Variants in DRD2 observed in about 807,000 individuals in gnomAD.
DRD2 encodes the protein D(2) dopamine receptor.
Under a neutral mutation model 38.0 loss-of-function variants are expected in DRD2, and 8 were observed. The ratio of observed to expected loss-of-function variants is 0.21; its 90% CI spans 0.12 to 0.38. The LOEUF (loss-of-function observed/expected upper bound fraction) is 0.38, where lower values mean the gene tolerates loss of function less well. Ranked by LOEUF, DRD2 falls within the 10% of genes least tolerant of loss-of-function variation. The probability of loss-of-function intolerance (pLI) is 1.00; values close to 1 mark genes in which losing one functional copy is unlikely to be tolerated. For missense variants in DRD2, 403 were observed against 607.7 expected (o/e 0.66, Z 3.54); for synonymous variants, 230 against 238.6 (o/e 0.96, Z 0.33).
chr11:113,464,754 T>C (rs1448765299), intron 1 of DRD2, among the ~76,000 whole-genome samples: 1 of 152,264 alleles, frequency 6.6e-6, no homozygotes. Context: ...TTCTCTGATT[T>C]CATCAACACC....
chr11:113,410,997 C>T, intron 7 of DRD2, 77 bp from the exon 8 acceptor site: 1 of 1,503,844 alleles, frequency 6.6e-7, no homozygotes, highest in Non-Finnish European at 9.1e-7. Flanking sequence ...CCAGTGCGCC[C>T]TGGCTCGTAT....
chr11:113,419,861 G>A (rs1395188247), intron 2 of DRD2, among the ~76,000 whole-genome samples: 2 of 152,226 alleles, frequency 1.3e-5, no homozygotes, highest in Non-Finnish European at 1.5e-5. Context: ...GGCAGAAACA[G>A]CAGCTTGCCC....
intron 1 of DRD2, among the ~76,000 whole-genome samples, chr11:113,466,171 G>A (rs1469830890): frequency 6.6e-6 from 1 of 152,184 alleles, no homozygotes; most frequent in East Asian, 1.9e-4. Context: ...TAAATAACTA[G>A]AGGGACAGGG....
At chr11:113,428,857 C>T (rs909159906) in intron 1 of DRD2, among the ~76,000 whole-genome samples, 7 of 152,124 alleles carry the variant, frequency 4.6e-5, no homozygotes, top group African/African-American at 1.2e-4. Context: ...ACACTCCTGG[C>T]CTCAAGAGAT....
At chr11:113,440,946 C>T (rs929030535) in intron 1 of DRD2, among the ~76,000 whole-genome samples, 2 of 152,188 alleles carry the variant, frequency 1.3e-5, no homozygotes, top group South Asian at 2.1e-4. Flanking sequence ...ACTTCCTGTG[C>T]GCCCACCCAA....
At chr11:113,417,198 C>T (rs765459611) in intron 3 of DRD2, among the ~76,000 whole-genome samples, 199 bp from the exon 4 acceptor site, 1 of 152,192 alleles carries the variant, frequency 6.6e-6, no homozygotes, top group African/African-American at 2.4e-5. Flanking sequence ...AGCCCAAACA[C>T]TTAATCACTG....
chr11:113,450,151 A>AAAG (rs1258522371), intron 1 of DRD2: 1 of 154,044 alleles, frequency 6.5e-6, no homozygotes, highest in East Asian at 1.9e-4. Context: ...CAATATTTCA[A>AAAG]AAGAAGACAG....
intron 7 of DRD2, among the ~76,000 whole-genome samples, chr11:113,411,272 A>T (rs1455961584): frequency 6.6e-6 from 1 of 152,228 alleles, no homozygotes. Context: ...CTATAGACCC[A>T]TGCCACTTAG....
chr11:113,426,751 G>T (rs1411169128), intron 1 of DRD2, among the ~76,000 whole-genome samples: 1 of 152,080 alleles, frequency 6.6e-6, no homozygotes, highest in Non-Finnish European at 1.5e-5. Flanking sequence ...TTCCATGTGG[G>T]GTGACATGGA....
At chr11:113,464,906 C>T (rs1254853346) in intron 1 of DRD2, among the ~76,000 whole-genome samples, 1 of 152,098 alleles carries the variant, frequency 6.6e-6, no homozygotes, top group Non-Finnish European at 1.5e-5. Context: ...TTCTCTCTTC[C>T]CCTCATCCTC....
chr11:113,418,759 C>A (rs1439510803), intron 2 of DRD2, among the ~76,000 whole-genome samples: 4 of 152,140 alleles, frequency 2.6e-5, no homozygotes, highest in African/African-American at 7.2e-5. Flanking sequence ...CCAAAGCCTG[C>A]CAGGATGTTG....
chr11:113,453,292 G>A (rs1248666980), intron 1 of DRD2, among the ~76,000 whole-genome samples: 1 of 152,148 alleles, frequency 6.6e-6, no homozygotes, highest in Non-Finnish European at 1.5e-5. Context: ...GGAAGTGGGG[G>A]TGATGATAAC....
intron 1 of DRD2, among the ~76,000 whole-genome samples, chr11:113,442,122 G>A (rs889548412): frequency 2.0e-5 from 3 of 152,176 alleles, no homozygotes; most frequent in Non-Finnish European, 4.4e-5. Flanking sequence ...ATAGATGAAA[G>A]AAAATTGGCC....
At chr11:113,436,886 C>T (rs1951044177) in intron 1 of DRD2, among the ~76,000 whole-genome samples, 1 of 152,162 alleles carries the variant, frequency 6.6e-6, no homozygotes, top group Admixed American at 6.5e-5. Context: ...TCCTTTTCTG[C>T]CAGTCTGGCT....
rs1950972914 is a variant in DRD2, at chr11:113,430,093, G to C, written c.-31-5411C>G. ...CCTCCTGGGCCCACTGCCTCCTATG[G>C]CCCATCCTGAAAAATAGGTGGCTAG... On this transcript the variant is annotated intron_variant, in intron 1 of 7. Transcript: ENST00000362072. Among the ~76,000 whole-genome samples the C allele has an allele frequency of 2.6e-5, 4 of 152,302 alleles. No individual in the cohort carries two copies. The South Asian group carries it at 8.3e-4, about 32-fold the overall frequency.
chr11:113,411,972 G>A (rs1171139731), intron 7 of DRD2: 1 of 154,146 alleles, frequency 6.5e-6, no homozygotes, highest in Non-Finnish European at 1.4e-5. Flanking sequence ...GGACAGGGAT[G>A]CTTTTCATTT....
At chr11:113,419,953 T>C (rs574470579) in intron 2 of DRD2, among the ~76,000 whole-genome samples, 181 of 152,314 alleles carry the variant, frequency 1.2e-3, no homozygotes, top group African/African-American at 3.8e-3. Flanking sequence ...CTCTCCCAGC[T>C]CCCTGTGCTG....
At chr11:113,455,223 C>A (rs1057343811) in intron 1 of DRD2, among the ~76,000 whole-genome samples, 1 of 151,902 alleles carries the variant, frequency 6.6e-6, no homozygotes, top group Non-Finnish European at 1.5e-5. Context: ...ATTAGCCAGG[C>A]GTGGTGGCAG....
In DRD2 at chr11:113,409,931, T is replaced by C. The variant is rs987521345; in HGVS notation, c.*796A>G. The C allele has an allele frequency of 6.6e-6, 1 of 152,440 alleles. No homozygotes were observed. The highest frequency in any genetic ancestry group is 2.4e-5 in the African/African-American group (1 of 41,456). 9.4% of individuals were successfully genotyped at this position (152,440 alleles called of 1,614,324 possible). A position where few individuals can be genotyped will look rare whatever the true frequency, so the allele number is the denominator to read the frequency against. The stretch of plus-strand genomic sequence containing the variant: ...CCAGATAGAGTTCCAGGGCCTGACC[T>C]CCCTGCCAGGCCCCAGGCTGGCCAG... On this transcript the variant is annotated 3_prime_UTR_variant, in exon 8 of 8. Coordinates refer to ENST00000362072, the MANE Select transcript of DRD2 (RefSeq NM_000795.4).
Sources: gnomAD v4.1 joint callset for allele counts (sites outside exome capture counted in the v4.1 genomes callset) on GRCh38, gnomAD v4.1.1 for gene constraint, MANE v1.5 for transcripts, NCBI Gene and HGNC (gene_info 2026-07-23, HGNC 2026-07-21) for gene names.